The following HEATR4 variants were observed in gnomAD, a reference collection of about 807,000 sequenced individuals.
HEATR4 encodes HEAT repeat containing 4, also known as HEAT repeat-containing protein 4.
Under a neutral mutation model 108.8 loss-of-function variants are expected in HEATR4, and 95 were observed. That is an observed-to-expected ratio of 0.87 (90% CI 0.74 to 1.04). The LOEUF (loss-of-function observed/expected upper bound fraction) is 1.04, where lower values mean the gene tolerates loss of function less well. Among genes scored for constraint, HEATR4 ranks in the 50% least tolerant of loss-of-function variants. The pLI, the probability that HEATR4 is intolerant of heterozygous loss-of-function variation, is 0.00. For missense variants in HEATR4, 1,152 were observed against 1,253.8 expected, an observed-to-expected ratio of 0.92 and a Z score of 1.23; for synonymous variants, 443 against 459.4, an observed-to-expected ratio of 0.96 and a Z score of 0.46.
intron 2 of HEATR4, chr14:73,527,484 G>C (rs1026068057): frequency 6.6e-6 from 1 of 151,340 alleles, no homozygotes; most frequent in Non-Finnish European, 1.5e-5. Flanking sequence ...CAGAAAGGCT[G>C]CTCTGCCTAT....
chr14:73,560,150 T>C (rs1566855693), upstream of HEATR4, among the ~76,000 whole-genome samples: 2 of 152,142 alleles, frequency 1.3e-5, no homozygotes, highest in Admixed American at 1.3e-4. Context: ...AAGAGTCCCT[T>C]TGTGAAACAA....
chr14:73,626,297 A>G, the HEATR4 span, among the ~76,000 whole-genome samples: 1 of 152,176 alleles, frequency 6.6e-6, no homozygotes, highest in Non-Finnish European at 1.5e-5. Flanking sequence ...AAATCTCATA[A>G]TGTTTTAAAA....
chr14:73,623,950 G>A, the HEATR4 span, among the ~76,000 whole-genome samples: 1 of 151,964 alleles, frequency 6.6e-6, no homozygotes, highest in Non-Finnish European at 1.5e-5. Context: ...AGCAGATGCT[G>A]GCACTGTGCT....
chr14:73,619,617 A>C, the HEATR4 span: 1 of 1,614,086 alleles, frequency 6.2e-7, no homozygotes, highest in African/African-American at 1.3e-5. Context: ...ATGGGAAAGA[A>C]AGACCCCAGA....
intron 5 of HEATR4, 49 bp downstream of exon 5, chr14:73,518,974 C>A (rs755072419): frequency 1.3e-6 from 2 of 1,557,678 alleles, no homozygotes; most frequent in East Asian, 2.3e-5. Flanking sequence ...TGGGAAGTAG[C>A]CACATTCCCG....
At chr14:73,511,231 T>C (rs1420218213) in intron 7 of HEATR4, among the ~76,000 whole-genome samples, 1 of 151,988 alleles carries the variant, frequency 6.6e-6, no homozygotes, top group African/African-American at 2.4e-5. Flanking sequence ...TTTAAGATTT[T>C]GTCAGGTGCG....
the HEATR4 span, among the ~76,000 whole-genome samples, chr14:73,585,803 C>T: frequency 2.0e-5 from 3 of 148,172 alleles, no homozygotes; most frequent in East Asian, 2.0e-4. Context: ...TATAGGAGAC[C>T]ACTGTTTTGT....
At chr14:73,498,386 T>TA (rs1213540479) in intron 13 of HEATR4, 42 bp from the exon 14 acceptor site, 3 of 1,500,966 alleles carry the variant, frequency 2.0e-6, no homozygotes, top group Non-Finnish European at 9.0e-7. Context: ...AGACTGAGCT[T>TA]ACTATATTCT....
chr14:73,543,861 G>A (rs8022084), intron 1 of HEATR4: 19,787 of 174,314 alleles, frequency 0.11, 5,386 homozygotes, highest in African/African-American at 0.44. Context: ...GTAACTGTAG[G>A]AAACACAAGA....
Position 73,546,112 on chromosome 14 carries a change from G to C in HEATR4, c.-152+12639C>G, listed in dbSNP as rs1253578022. On this transcript the variant is annotated intron_variant, in intron 1 of 17. Transcript: ENST00000553558. Reference sequence around the variant, plus strand: ...TTCTCCTGCCTCAGCCTCCCAAGTAGCTGGGATTACAGGCGCCCACCACCA... The same window carrying C: ...TTCTCCTGCCTCAGCCTCCCAAGTACCTGGGATTACAGGCGCCCACCACCA... Among the ~76,000 whole-genome samples, 2 of 112,180 alleles carry C rather than the reference G, an allele frequency of 1.8e-5. 1 individual carries two copies. The highest frequency in any genetic ancestry group is 5.8e-5 in the African/African-American group (2 of 34,520). The allele number at this position is 112,180 out of a possible 152,430, so 73.6% of individuals were successfully genotyped here. A position where few individuals can be genotyped will look rare whatever the true frequency, so the allele number is the denominator to read the frequency against.
the HEATR4 span, among the ~76,000 whole-genome samples, chr14:73,588,003 CATTT>C: frequency 6.7e-6 from 1 of 149,450 alleles, no homozygotes; most frequent in Non-Finnish European, 1.5e-5. Context: ...TTATTTCTCT[CATTT>C]TTTTTTTTTT....
chr14:73,518,141 G>A (rs941485842), intron 5 of HEATR4, among the ~76,000 whole-genome samples: 3 of 151,970 alleles, frequency 2.0e-5, no homozygotes, highest in Non-Finnish European at 4.4e-5. Context: ...TGTCTGGCGG[G>A]TGCCTCCACA....
At chr14:73,526,871 TG>T (rs1273162399) in intron 2 of HEATR4, among the ~76,000 whole-genome samples, 2 of 152,148 alleles carry the variant, frequency 1.3e-5, no homozygotes, top group East Asian at 3.9e-4. Context: ...CCCAGTGCAC[TG>T]CCATCTGTGG....
chr14:73,505,344 T>C (rs905391375), intron 10 of HEATR4, among the ~76,000 whole-genome samples: 4 of 152,210 alleles, frequency 2.6e-5, no homozygotes, highest in African/African-American at 7.2e-5. Context: ...TTATTGTTCC[T>C]ACCATAGTGT....
At chr14:73,628,200 C>T in the HEATR4 span, among the ~76,000 whole-genome samples, 1 of 152,178 alleles carries the variant, frequency 6.6e-6, no homozygotes, top group Admixed American at 6.6e-5. Context: ...AACTCATTAG[C>T]ACACAAAAGA....
chr14:73,506,688 G>C, intron 9 of HEATR4, 117 bp from the exon 10 acceptor site: 1 of 679,844 alleles, frequency 1.5e-6, no homozygotes. Flanking sequence ...GGGCTTACAA[G>C]AGATGGGGCA....
chr14:73,552,092 T>C (rs1166723617), intron 1 of HEATR4, among the ~76,000 whole-genome samples: 1 of 114,530 alleles, frequency 8.7e-6, no homozygotes, highest in Non-Finnish European at 1.9e-5. Flanking sequence ...TTTCCTTTCT[T>C]TCATGTCCTA....
the HEATR4 span, among the ~76,000 whole-genome samples, chr14:73,589,184 T>G: frequency 1.3e-5 from 2 of 152,170 alleles, no homozygotes; most frequent in African/African-American, 2.4e-5. Context: ...ACCATTACAG[T>G]ATCATACAGA....
At chr14:73,608,933 A>G in the HEATR4 span, among the ~76,000 whole-genome samples, 1 of 152,162 alleles carries the variant, frequency 6.6e-6, no homozygotes, top group Non-Finnish European at 1.5e-5. Flanking sequence ...GCCTTTATAA[A>G]ACCATCAGAT....
Sources: gnomAD v4.1 joint callset for allele counts (sites outside exome capture counted in the v4.1 genomes callset) on GRCh38, gnomAD v4.1.1 for gene constraint, MANE v1.5 for transcripts, NCBI Gene and HGNC (gene_info 2026-07-23, HGNC 2026-07-21) for gene names.